SIRPB1: variants seen among roughly 807,000 people sequenced by gnomAD.
SIRPB1 encodes the protein signal-regulatory protein beta-1.
In SIRPB1, 28 loss-of-function variants were observed where a neutral mutation model predicts 34.1. That is an observed-to-expected ratio of 0.82 (90% CI 0.61 to 1.12). The LOEUF (loss-of-function observed/expected upper bound fraction) is 1.12, where lower values mean the gene tolerates loss of function less well. Ranked by LOEUF, SIRPB1 falls within the 50% of genes most tolerant of loss-of-function variation. The pLI, the probability that SIRPB1 is intolerant of heterozygous loss-of-function variation, is 0.00. For synonymous variants in SIRPB1, 211 were observed against 203.8 expected (o/e 1.04, Z -0.30); for missense variants, 499 against 507.0 (o/e 0.98, Z 0.15).
intron 1 of SIRPB1, among the ~76,000 whole-genome samples, chr20:1,618,120 A>G (rs922077880): frequency 6.6e-6 from 1 of 152,230 alleles, no homozygotes; most frequent in African/African-American, 2.4e-5. Context: ...ATTACAACAC[A>G]CGTTAAAATC....
rs2091111231 is a variant in SIRPB1, at chr20:1,565,174, G to A, written c.*326C>T. 5.0e-6 allele frequency: 2 copies of A among 397,444 alleles called. No homozygotes were observed. The highest frequency in any genetic ancestry group is 8.9e-6 in the Non-Finnish European group (2 of 225,972). 24.6% of individuals were successfully genotyped at this position (397,444 alleles called of 1,614,324 possible). A position where few individuals can be genotyped will look rare whatever the true frequency, so the allele number is the denominator to read the frequency against. On this transcript the variant is annotated 3_prime_UTR_variant, in exon 6 of 6. Coordinates refer to ENST00000381605, the MANE Select transcript of SIRPB1 (RefSeq NM_006065.5). ...AAGACAGGATAACTCTTGAGAGCCTGGAGAGAGTCTGTGGTTTATGGCCAG... is the reference window on the plus strand; with the variant it reads ...AAGACAGGATAACTCTTGAGAGCCTAGAGAGAGTCTGTGGTTTATGGCCAG...
chr20:1,609,394 T>A (rs2091542780), intron 1 of SIRPB1, among the ~76,000 whole-genome samples: 1 of 72,528 alleles, frequency 1.4e-5, no homozygotes, highest in Non-Finnish European at 2.6e-5. Context: ...TATACACATT[T>A]TTTTAAAAAG....
At chr20:1,572,731 C>T (rs896677616) in intron 2 of SIRPB1, among the ~76,000 whole-genome samples, 1 of 151,370 alleles carries the variant, frequency 6.6e-6, no homozygotes, top group Non-Finnish European at 1.5e-5. Context: ...TTTCTTTTCA[C>T]AAATATTTCG....
Position 1,561,654 on chromosome 20 carries a change from G to T in SIRPB1, c.*3846C>A, listed in dbSNP as rs1025841561. ...AGATTGGGGTTGTGAGTTTTGGGGGGAAGGTAATAGAGGAAAAGTGTCATC... is the reference window on the plus strand; with the variant it reads ...AGATTGGGGTTGTGAGTTTTGGGGGTAAGGTAATAGAGGAAAAGTGTCATC... On this transcript the variant is annotated 3_prime_UTR_variant, in exon 6 of 6. Coordinates refer to ENST00000381605, the MANE Select transcript of SIRPB1 (RefSeq NM_006065.5). Among the ~76,000 whole-genome samples the T allele has an allele frequency of 1.1e-4, 16 of 152,134 alleles. No homozygotes were observed. The highest frequency in any genetic ancestry group is 3.6e-4 in the African/African-American group (15 of 41,418).
In SIRPB1 at chr20:1,570,807, TG is replaced by T; in HGVS notation, c.1081del (p.His361MetfsTer13). 2 of 1,605,394 alleles carry T rather than the reference TG, an allele frequency of 1.2e-6. No homozygotes were observed. Among genetic ancestry groups the T allele is most frequent in the Non-Finnish European group, 1.7e-6 (2 of 1,175,358 alleles). ...TTAAAAATGGGAAGTAACCGCACCA[TG>T]GGTGATATCTGAGCCGTGCTCCTTC... Reference protein sequence around the residue: ...HQKEHGSDITHEAALAPTAPL... With the variant: ...HQKEHGSDITXEAALAPTAPL... On this transcript the variant is annotated frameshift_variant, in exon 4 of 6. Coordinates refer to ENST00000381605, the MANE Select transcript of SIRPB1 (RefSeq NM_006065.5). LOFTEE classifies it high-confidence loss of function.
At chr20:1,572,252 C>T (rs1278666108) in intron 2 of SIRPB1, among the ~76,000 whole-genome samples, 1 of 152,098 alleles carries the variant, frequency 6.6e-6, no homozygotes, top group African/African-American at 2.4e-5. Context: ...AGGGGCAGGG[C>T]CCAGAGGGAA....
chr20:1,604,526 T>C lies in SIRPB1; in HGVS notation c.76+15343A>G. ...GAAATAAATGAAACGGCTAGCACAG[T>C]CCTTGGCACCTGGTGGGTGGTGTGG... On this transcript the variant is annotated intron_variant, in intron 1 of 5. Transcript: ENST00000381605. Among the ~76,000 whole-genome samples, 2 of 47,230 alleles carry C rather than the reference T, an allele frequency of 4.2e-5. 1 individual carries two copies. Among genetic ancestry groups the C allele is most frequent in the Non-Finnish European group, 8.0e-5 (2 of 25,000 alleles). The allele number at this position is 47,230 out of a possible 152,430, so 31.0% of individuals were successfully genotyped here. A position where few individuals can be genotyped will look rare whatever the true frequency, so the allele number is the denominator to read the frequency against.
intron 1 of SIRPB1, among the ~76,000 whole-genome samples, chr20:1,614,084 G>C (rs2091595812): frequency 6.6e-6 from 1 of 152,184 alleles, no homozygotes; most frequent in African/African-American, 2.4e-5. Flanking sequence ...AGAAGATAGA[G>C]GGATGGTAAG....
intron 4 of SIRPB1, among the ~76,000 whole-genome samples, chr20:1,569,673 C>T (rs545925986): frequency 2.6e-5 from 4 of 152,326 alleles, no homozygotes; most frequent in African/African-American, 9.6e-5. Context: ...ATTCTTATTT[C>T]CTGGAGCCTC....
In SIRPB1 at chr20:1,571,009, G is replaced by T. The variant is rs143614046; in HGVS notation, c.880C>A (p.Arg294=). The T allele has an allele frequency of 6.2e-7, 1 of 1,614,024 alleles. No individual in the cohort carries two copies. The highest frequency in any genetic ancestry group is 2.2e-5 in the East Asian group (1 of 44,890). The change falls in exon 4 of 6, where the codon CGG becomes AGG. Residue 294 remains arginine (R), a synonymous_variant. Transcript: ENST00000381605. The part of the protein sequence containing the change: ...LTWLENGNVS[R]TETASTLIEN... ...ATGAGGGTCGAAGCTGTTTCTGTCC[G>T]GGACACATTTCCATTCTCCAACCAG...
At chr20:1,614,236 A>G (rs1021045588) in intron 1 of SIRPB1, among the ~76,000 whole-genome samples, 85 of 152,252 alleles carry the variant, frequency 5.6e-4, no homozygotes, top group African/African-American at 2.0e-3. Flanking sequence ...CTTGCCTACA[A>G]GAAATGCTAA....
At chr20:1,572,161 G>A in intron 2 of SIRPB1, 124 bp from the exon 3 acceptor site, 2 of 1,454,786 alleles carry the variant, frequency 1.4e-6, no homozygotes, top group Non-Finnish European at 1.9e-6. Context: ...TGTCGTGAAG[G>A]CAGTGTCCTT....
At position 1,602,917 on chromosome 20, in the gene SIRPB1, G is replaced by C. The variant is rs1223946447; in HGVS notation, c.76+16952C>G. The stretch of plus-strand genomic sequence containing the variant: ...GGCCTTCTAAAAGTCTTCTGGAATA[G>C]ACACCCCTCCTGGTATTATATGAGA... On this transcript the variant is annotated intron_variant, in intron 1 of 5. Coordinates refer to ENST00000381605, the MANE Select transcript of SIRPB1 (RefSeq NM_006065.5). 4.1e-5 allele frequency among the ~76,000 whole-genome samples: 2 copies of C among 49,280 alleles called. 1 individual carries two copies. The highest frequency in any genetic ancestry group is 2.7e-4 in the Admixed American group (2 of 7,362). 32.3% of individuals were successfully genotyped at this position (49,280 alleles called of 152,430 possible). A position where few individuals can be genotyped will look rare whatever the true frequency, so the allele number is the denominator to read the frequency against.
intron 1 of SIRPB1, among the ~76,000 whole-genome samples, chr20:1,615,854 AT>A: frequency 6.6e-6 from 1 of 152,164 alleles, no homozygotes; most frequent in East Asian, 1.9e-4. Context: ...ACCTTATTTT[AT>A]TTTCCCTTAT....
rs759304265 is a variant in SIRPB1 at position 1,578,549 on chromosome 20, G to C, written c.222C>G (p.Gly74=). Residue 74 remains glycine (G), a synonymous_variant, in exon 2 of 6, where the codon GGC becomes GGG. Coordinates refer to ENST00000381605, the MANE Select transcript of SIRPB1 (RefSeq NM_006065.5). The stretch of plus-strand genomic sequence containing the variant: ...CTTTCTGATTGTAGATTAATTCCCG[G>C]CCTGCTCCAGCTCCTCTAAACCACA... ...PIMWFRGAGA[G]RELIYNQKEG... The C allele has an allele frequency of 6.3e-7, 1 of 1,583,816 alleles. No homozygotes were observed. The highest frequency in any genetic ancestry group is 8.6e-7 in the Non-Finnish European group (1 of 1,157,524).
Position 1,570,936 on chromosome 20 carries a change from T to C in SIRPB1, c.953A>G (p.Asn318Ser), listed in dbSNP as rs773917036. Residue 318 changes from asparagine (N) to serine (S), a missense_variant, in exon 4 of 6, where the codon AAC becomes AGC. By Grantham distance (46) the Asn-to-Ser change is conservative. Coordinates refer to ENST00000381605, the MANE Select transcript of SIRPB1 (RefSeq NM_006065.5). ...CACATCGTCCCTGTGGGCACAGGTG[T>C]TCACCAGGAGCCAGCTCATCCAGTT... The part of the protein sequence containing the change: ...TYNWMSWLLV[N>S]TCAHRDDVVL... The C allele has an allele frequency of 6.2e-7, 1 of 1,614,144 alleles. No homozygotes were observed. The highest frequency in any genetic ancestry group is 8.5e-7 in the Non-Finnish European group (1 of 1,180,018).
At position 1,565,314 on chromosome 20, in the gene SIRPB1, G is replaced by A. The variant is rs1162764254; in HGVS notation, c.*186C>T. On this transcript the variant is annotated 3_prime_UTR_variant, in exon 6 of 6. Coordinates refer to ENST00000381605, the MANE Select transcript of SIRPB1 (RefSeq NM_006065.5). ...AGCCCAATCCCATGGCCCCTGCTCA[G>A]GACCGTGAATAGAGACACTGCTTTG... 6.0e-6 allele frequency: 2 copies of A among 330,794 alleles called. No homozygotes were observed. The highest frequency in any genetic ancestry group is 1.1e-5 in the Non-Finnish European group (2 of 183,046). The allele number at this position is 330,794 out of a possible 1,614,324, so 20.5% of individuals were successfully genotyped here. A position where few individuals can be genotyped will look rare whatever the true frequency, so the allele number is the denominator to read the frequency against.
chr20:1,566,043 T>G lies in SIRPB1; in HGVS notation c.*2+110A>C. On this transcript the variant is annotated intron_variant, in intron 5 of 5. Transcript: ENST00000381605. Reference sequence around the variant, plus strand: ...AGTATCCTGAGGGAGCCCTGTCACCTTCTGTAAACTCCACTGACCCTGAAG... The same window carrying G: ...AGTATCCTGAGGGAGCCCTGTCACCGTCTGTAAACTCCACTGACCCTGAAG... The G allele has an allele frequency of 4.5e-6, 3 of 673,314 alleles. No homozygotes were observed. In the South Asian group the frequency reaches 5.5e-5, roughly 12 times the overall value. The allele number at this position is 673,314 out of a possible 1,614,324, so 41.7% of individuals were successfully genotyped here.
In SIRPB1 at chr20:1,571,085, T is replaced by C. The variant is rs951320041; in HGVS notation, c.804A>G (p.Ala268=). ...AATTGCTCACCTGGCAGGTGACGTT[T>C]GCCTGGTTCTCTGCCCTCATGGGCT... ...TQQPMRAENQ[A]NVTCQVSNFY... Residue 268 remains alanine, a synonymous_variant, in exon 4 of 6, where the codon GCA becomes GCG. Transcript: ENST00000381605. 1.2e-6 allele frequency: 2 copies of C among 1,614,134 alleles called. No individual in the cohort carries two copies. Among genetic ancestry groups the C allele is most frequent in the Non-Finnish European group, 1.7e-6 (2 of 1,179,980 alleles).
Sources: allele counts gnomAD v4.1 joint callset (sites outside exome capture counted in the v4.1 genomes callset), GRCh38; gene constraint gnomAD v4.1.1; transcripts MANE v1.5; gene names NCBI Gene and HGNC (gene_info 2026-07-23, HGNC 2026-07-21).